Variants in SORL1 observed in about 807,000 individuals in gnomAD.
The protein encoded by SORL1 is sortilin-related receptor.
SORL1 carries 127 observed loss-of-function variants against 273.7 expected under a neutral mutation model. That is an observed-to-expected ratio of 0.46 (90% confidence interval 0.40 to 0.54). The LOEUF (loss-of-function observed/expected upper bound fraction) is 0.54. Ranked by LOEUF, SORL1 falls within the 20% of genes least tolerant of loss-of-function variation. The pLI is 0.00. For synonymous variants in SORL1, 1,031 were observed against 1,067.4 expected, an observed-to-expected ratio of 0.97 and a Z score of 0.66; for missense variants, 2,494 against 2,846.1, an observed-to-expected ratio of 0.88 and a Z score of 2.81.
At chr11:121,625,645 T>G (rs2134954881) in intron 46 of SORL1, among the ~76,000 whole-genome samples, 1 of 152,244 alleles carries the variant, frequency 6.6e-6, no homozygotes, top group African/African-American at 2.4e-5. Context: ...GATCATCTCC[T>G]TGTCATGGAT....
At chr11:121,555,410 G>A in intron 18 of SORL1, 92 bp downstream of exon 18, 2 of 1,490,256 alleles carry the variant, frequency 1.3e-6, no homozygotes, top group Middle Eastern at 1.9e-4. Context: ...GGGCCAGTGT[G>A]TCAGATTACT....
rs1863297670 is a variant in SORL1, at chr11:121,596,547, C to T, written c.4519+775C>T. Among the ~76,000 whole-genome samples, 1 of 152,246 alleles carries T rather than the reference C, an allele frequency of 6.6e-6. No homozygotes were observed. The highest frequency in any genetic ancestry group is 2.1e-4 in the South Asian group (1 of 4,834). On this transcript the variant is annotated intron_variant, in intron 32 of 47. Coordinates refer to ENST00000260197, the MANE Select transcript of SORL1 (RefSeq NM_003105.6). The surrounding 1 kb of genome is among the most constrained non-coding windows in gnomAD (Gnocchi z 4.3). The stretch of plus-strand genomic sequence containing the variant: ...CGGTGCTTATGCAGCCCCCCACCGG[C>T]CTGCCTCTCTGACGGTTGGGTGCTG...
intron 1 of SORL1, among the ~76,000 whole-genome samples, chr11:121,455,991 TAAA>T (rs35906996): frequency 2.6e-5 from 3 of 116,528 alleles, no homozygotes; most frequent in Non-Finnish European, 1.8e-5. Context: ...AGACTCCATC[TAAA>T]AAAAAAAAAA....
chr11:121,452,632 AC>A lies in SORL1; in HGVS notation c.285+19del. 9.7e-6 allele frequency: 14 copies of A among 1,445,114 alleles called. No homozygotes were observed. Among genetic ancestry groups the A allele is most frequent in the Non-Finnish European group, 1.3e-5 (14 of 1,102,356 alleles). 89.5% of individuals were successfully genotyped at this position (1,445,114 alleles called of 1,614,324 possible). ...GTACGGACAGGTGAGCAGTTTTGCA[AC>A]CCGCCTCCCTCCAGTTTTTTCCTCT... On this transcript the variant is annotated intron_variant, in intron 1 of 47. Transcript: ENST00000260197. This position sits in a 1 kb window ranked among gnomAD's most constrained non-coding sequence, Gnocchi z 5.3.
chr11:121,506,710 A>G (rs1270060641), intron 6 of SORL1, among the ~76,000 whole-genome samples: 1 of 152,200 alleles, frequency 6.6e-6, no homozygotes, highest in Non-Finnish European at 1.5e-5. Flanking sequence ...GAATCCTTGT[A>G]AATAGCATAT....
chr11:121,572,782 G>A (rs1339686607), intron 23 of SORL1, among the ~76,000 whole-genome samples: 2 of 152,116 alleles, frequency 1.3e-5, no homozygotes, highest in African/African-American at 4.8e-5. Context: ...CTAGCTGGGT[G>A]ACTGTCAGGC....
intron 25 of SORL1, among the ~76,000 whole-genome samples, chr11:121,579,789 A>G (rs923037832): frequency 5.3e-5 from 8 of 152,374 alleles, no homozygotes; most frequent in East Asian, 1.9e-4. Flanking sequence ...GGTATTACCA[A>G]CTACCTCTGT....
chr11:121,530,053 C>T (rs11501162), intron 11 of SORL1, among the ~76,000 whole-genome samples: 10,191 of 152,154 alleles, frequency 0.067, 460 homozygotes, highest in South Asian at 0.12. Context: ...TTGCACTTAA[C>T]GTAAAATTTA....
At chr11:121,543,477 T>C (rs970754997) in intron 12 of SORL1, 71 bp from the exon 13 acceptor site, 10 of 1,281,550 alleles carry the variant, frequency 7.8e-6, no homozygotes, top group Non-Finnish European at 1.1e-5. Context: ...TCCTGGTGAA[T>C]GTTATATGGA....
In SORL1 at chr11:121,605,445, A is replaced by T; in HGVS notation, c.4822A>T (p.Asn1608Tyr). ...ATGGAAGACTCTGGAGACCCACAGCAATAAGACAAACACTGTATTAAAAGT... is the reference window on the plus strand; with the variant it reads ...ATGGAAGACTCTGGAGACCCACAGCTATAAGACAAACACTGTATTAAAAGT... Reference protein sequence around the residue: ...SIWKTLETHSNKTNTVLKVLK... With the variant: ...SIWKTLETHSYKTNTVLKVLK... The change falls in exon 35 of 48, where the codon AAT (asparagine) becomes TAT (tyrosine). Residue 1608 changes from asparagine to tyrosine, a missense_variant. Asn to Tyr is a moderately radical substitution (Grantham distance 143). Coordinates refer to ENST00000260197, the MANE Select transcript of SORL1 (RefSeq NM_003105.6). The T allele has an allele frequency of 6.2e-7, 1 of 1,614,092 alleles. No individual in the cohort carries two copies. Among genetic ancestry groups the T allele is most frequent in the Non-Finnish European group, 8.5e-7 (1 of 1,179,948 alleles).
chr11:121,594,418 T>G (rs1246813685), intron 31 of SORL1, among the ~76,000 whole-genome samples: 1 of 152,040 alleles, frequency 6.6e-6, no homozygotes, highest in Non-Finnish European at 1.5e-5. Context: ...TTTAATCTTT[T>G]ATAGTTTTGA....
intron 40 of SORL1, 70 bp from the exon 41 acceptor site, chr11:121,614,801 A>G (rs1477184308): frequency 1.6e-6 from 2 of 1,252,614 alleles, no homozygotes; most frequent in Non-Finnish European, 2.3e-6. Flanking sequence ...AAAAAAGTGC[A>G]TGTACCAAGA....
chr11:121,509,046 T>C (rs1861832607), intron 6 of SORL1, among the ~76,000 whole-genome samples: 1 of 152,158 alleles, frequency 6.6e-6, no homozygotes, highest in African/African-American at 2.4e-5. Context: ...TCCTTAGCTA[T>C]CTACTCACTA....
At chr11:121,532,687 CTTTTT>C (rs35892410) in intron 12 of SORL1, 135 bp downstream of exon 12, 7 of 521,892 alleles carry the variant, frequency 1.3e-5, no homozygotes, top group Middle Eastern at 3.5e-4. Context: ...ATGAGTTAAA[CTTTTT>C]TTTTTTTTTT....
intron 8 of SORL1, among the ~76,000 whole-genome samples, chr11:121,519,486 A>C (rs1001146036): frequency 1.3e-5 from 2 of 151,070 alleles, no homozygotes; most frequent in Admixed American, 6.6e-5. Context: ...ATCTCGGCTC[A>C]CTGCAAGCTC....
chr11:121,522,554 T>G, intron 9 of SORL1, 32 bp from the exon 10 acceptor site: 1 of 1,488,220 alleles, frequency 6.7e-7, no homozygotes, highest in Non-Finnish European at 9.4e-7. Flanking sequence ...TGGTATCATG[T>G]GCTGACACTG....
intron 2 of SORL1, among the ~76,000 whole-genome samples, chr11:121,472,744 T>C (rs1861190783): frequency 6.6e-6 from 1 of 152,168 alleles, no homozygotes; most frequent in African/African-American, 2.4e-5. Context: ...GCAGATCACC[T>C]GAGGTCGGGA....
rs114281596 is a variant in SORL1, at chr11:121,570,800, G to A, written c.3337+530G>A. On this transcript the variant is annotated intron_variant, in intron 23 of 47. Transcript: ENST00000260197. ...GGCCATTGGTGTACATGCCATGTAA[G>A]TGTCATCTTTAGGCTGTATAATTTT... 7.4e-3 allele frequency among the ~76,000 whole-genome samples: 1,122 copies of A among 152,302 alleles called. 11 individuals carry two copies. Among genetic ancestry groups the A allele is most frequent in the African/African-American group, 0.026 (1,062 of 41,550 alleles).
chr11:121,545,799 G>A (rs867905110), intron 14 of SORL1, among the ~76,000 whole-genome samples: 1 of 152,136 alleles, frequency 6.6e-6, no homozygotes, highest in African/African-American at 2.4e-5. Flanking sequence ...TATCTGAAAC[G>A]AGGGGATGTT....
Sources: gnomAD v4.1 joint callset for allele counts (sites outside exome capture counted in the v4.1 genomes callset) on GRCh38, gnomAD v4.1.1 for gene constraint, Gnocchi (gnomAD v3.1) non-coding constraint, MANE v1.5 for transcripts, NCBI Gene and HGNC (gene_info 2026-07-23, HGNC 2026-07-21) for gene names.